Variants in SLC39A12 observed in about 807,000 individuals in gnomAD.
SLC39A12 encodes the protein zinc transporter ZIP12.
A neutral mutation model predicts 71.1 loss-of-function variants in SLC39A12; 63 were observed. The observed-to-expected ratio is 0.89, with a 90% confidence interval of 0.72 to 1.09. SLC39A12 has a LOEUF of 1.09. Ranked by LOEUF, SLC39A12 falls within the 50% of genes least tolerant of loss-of-function variation. SLC39A12 has a pLI of 0.00. For synonymous variants in SLC39A12, 351 were observed against 301.3 expected, an observed-to-expected ratio of 1.16 and a Z score of -1.71; for missense variants, 892 against 812.6, an observed-to-expected ratio of 1.10 and a Z score of -1.19.
intron 12 of SLC39A12, chr10:18,004,532 C>T (rs1835953299): frequency 6.6e-6 from 1 of 152,060 alleles, no homozygotes; most frequent in Non-Finnish European, 1.5e-5. Flanking sequence ...CAGAGTAAAC[C>T]CTGCCATTTT....
chr10:17,970,168 C>A (rs1008423325), intron 4 of SLC39A12, among the ~76,000 whole-genome samples: 1 of 152,098 alleles, frequency 6.6e-6, no homozygotes, highest in African/African-American at 2.4e-5. Flanking sequence ...TATGCCAGTA[C>A]TTCCTGTTTT....
At chr10:18,038,812 A>G (rs866248591) in intron 12 of SLC39A12, among the ~76,000 whole-genome samples, 21 of 152,322 alleles carry the variant, frequency 1.4e-4, no homozygotes, top group African/African-American at 4.1e-4. Flanking sequence ...TGATCGACCC[A>G]AATCTAGGGT....
chr10:17,996,399 AT>A (rs944468954), intron 10 of SLC39A12, among the ~76,000 whole-genome samples: 1 of 151,902 alleles, frequency 6.6e-6, no homozygotes, highest in Admixed American at 6.6e-5. Context: ...CTTTTGCCCT[AT>A]TTTTCTCACT....
In SLC39A12 at chr10:17,954,133, C is replaced by T. The variant is rs148395481; in HGVS notation, c.261+596C>T. Among the ~76,000 whole-genome samples, 908 of 152,256 alleles carry T rather than the reference C, an allele frequency of 6.0e-3. 3 individuals are homozygous for T. The highest frequency in any genetic ancestry group is 0.024 in the Middle Eastern group (7 of 294). ...CTTAGCCTACAAAGCGAATCTCAAC[C>T]CTGATTGGAATCAGCTGCATAGGTT... On this transcript the variant is annotated intron_variant, in intron 2 of 12. Transcript: ENST00000377369.
chr10:17,993,396 C>T, intron 9 of SLC39A12, 105 bp downstream of exon 9: 4 of 796,840 alleles, frequency 5.0e-6, no homozygotes, highest in East Asian at 2.8e-5. Flanking sequence ...ATTTCATACT[C>T]CTGATTTGCC....
intron 4 of SLC39A12, among the ~76,000 whole-genome samples, chr10:17,974,856 G>A (rs527755871): frequency 2.0e-5 from 3 of 152,328 alleles, no homozygotes; most frequent in African/African-American, 7.2e-5. Flanking sequence ...AGGGTGACAA[G>A]TTACCCCAGT....
At chr10:17,965,744 T>C (rs1834810351) in intron 4 of SLC39A12, 54 bp downstream of exon 4, 3 of 1,445,352 alleles carry the variant, frequency 2.1e-6, no homozygotes, top group Middle Eastern at 3.6e-4. Context: ...AAATAAACTA[T>C]GCCAAAAACA....
At chr10:17,987,685 A>G in intron 7 of SLC39A12, 34 bp downstream of exon 7, 3 of 1,609,640 alleles carry the variant, frequency 1.9e-6, no homozygotes, top group Non-Finnish European at 2.5e-6. Flanking sequence ...GATAAAGTTC[A>G]CTTCATTGCT....
intron 12 of SLC39A12, among the ~76,000 whole-genome samples, chr10:18,017,041 A>G (rs571536188): frequency 2.1e-4 from 32 of 152,138 alleles, no homozygotes; most frequent in Non-Finnish European, 3.8e-4. Context: ...TTTTGGGAGT[A>G]TATATTTAGG....
intron 12 of SLC39A12, among the ~76,000 whole-genome samples, chr10:18,021,272 T>C (rs976358849): frequency 6.6e-6 from 1 of 151,978 alleles, no homozygotes; most frequent in Non-Finnish European, 1.5e-5. Context: ...GATCAGATCA[T>C]TGTAAGTGTA....
chr10:17,956,382 C>G (rs1834550498), intron 2 of SLC39A12, among the ~76,000 whole-genome samples: 1 of 151,090 alleles, frequency 6.6e-6, no homozygotes, highest in Non-Finnish European at 1.5e-5. Flanking sequence ...CATACATGTA[C>G]TTCTTAGGAA....
intron 6 of SLC39A12, among the ~76,000 whole-genome samples, chr10:17,985,101 T>C (rs922781712): frequency 9.9e-5 from 15 of 152,190 alleles, no homozygotes; most frequent in Non-Finnish European, 2.2e-4. Flanking sequence ...TTCAGCTCTT[T>C]GGGAGGCCAA....
chr10:18,019,839 T>C (rs1039874237), intron 12 of SLC39A12, among the ~76,000 whole-genome samples: 24 of 152,070 alleles, frequency 1.6e-4, no homozygotes, highest in African/African-American at 5.3e-4. Context: ...TCTATCTTGT[T>C]GAATGTTCCA....
chr10:18,038,096 G>T (rs1309788060), intron 12 of SLC39A12, among the ~76,000 whole-genome samples: 2 of 111,076 alleles, frequency 1.8e-5, no homozygotes, highest in African/African-American at 7.9e-5. Flanking sequence ...CCATTATTTC[G>T]ATTAAAAAAA....
At chr10:17,972,062 A>G (rs1047790487) in intron 4 of SLC39A12, among the ~76,000 whole-genome samples, 1 of 151,950 alleles carries the variant, frequency 6.6e-6, no homozygotes, top group African/African-American at 2.4e-5. Context: ...ACGTTTTTCT[A>G]TTTCCTTGTT....
intron 12 of SLC39A12, among the ~76,000 whole-genome samples, chr10:18,032,823 C>T (rs1161669293): frequency 1.3e-5 from 2 of 149,162 alleles, no homozygotes; most frequent in African/African-American, 5.0e-5. Flanking sequence ...AAATACGTCC[C>T]ATCAATACCT....
intron 12 of SLC39A12, among the ~76,000 whole-genome samples, chr10:18,032,306 G>T (rs1836871674): frequency 2.4e-5 from 2 of 83,446 alleles, no homozygotes; most frequent in Non-Finnish European, 2.2e-5. Context: ...CCATTTGTTT[G>T]TATCCTCTTT....
chr10:18,041,629 A>G (rs923348806), intron 12 of SLC39A12, among the ~76,000 whole-genome samples: 2 of 125,788 alleles, frequency 1.6e-5, no homozygotes, highest in African/African-American at 6.2e-5. Context: ...ATATGTATAT[A>G]TGTGTATATA....
In SLC39A12 at chr10:17,961,872, C is replaced by G. The variant is rs374474314; in HGVS notation, c.543+10C>G. The G allele has an allele frequency of 9.3e-5, 149 of 1,606,408 alleles. No individual in the cohort carries two copies. The highest frequency in any genetic ancestry group is 1.9e-4 in the South Asian group (17 of 89,564). ...CACTTCTCAAAGCCAGGTAAGAAGG[C>G]AAAATTGCTAACTGGCTCTGCTGCT... is the stretch of plus-strand genomic sequence containing the variant. On this transcript the variant is annotated intron_variant, in intron 3 of 12. Coordinates refer to ENST00000377369, the MANE Select transcript of SLC39A12 (RefSeq NM_001145195.2).
Sources: allele counts gnomAD v4.1 joint callset (sites outside exome capture counted in the v4.1 genomes callset), GRCh38; gene constraint gnomAD v4.1.1; transcripts MANE v1.5; gene names NCBI Gene and HGNC (gene_info 2026-07-23, HGNC 2026-07-21).